Variants in CEP70 observed in about 807,000 individuals in gnomAD.
The protein encoded by CEP70 is centrosomal protein 70.
Under a neutral mutation model 90.9 loss-of-function variants are expected in CEP70, and 70 were observed. That is an observed-to-expected ratio of 0.77 (90% CI 0.64 to 0.94). CEP70 has a LOEUF of 0.94. Ranked by LOEUF, CEP70 falls within the 40% of genes least tolerant of loss-of-function variation. The pLI is 0.00. For missense variants in CEP70, 648 were observed against 669.0 expected (o/e 0.97, Z 0.35); for synonymous variants, 220 against 228.3 (o/e 0.96, Z 0.33).
chr3:138,568,737 T>C (rs891410885), intron 6 of CEP70, among the ~76,000 whole-genome samples: 6 of 151,890 alleles, frequency 4.0e-5, no homozygotes, highest in Non-Finnish European at 8.8e-5. Flanking sequence ...TCTCAGCACT[T>C]TGGGAGGCTG....
intron 11 of CEP70, among the ~76,000 whole-genome samples, chr3:138,523,762 G>T (rs11743786): frequency 2.0e-5 from 3 of 152,062 alleles, no homozygotes; most frequent in Admixed American, 2.0e-4. Flanking sequence ...ATGCTCATGG[G>T]TAGGAAGAAT....
chr3:138,521,663 G>A (rs957120023), intron 11 of CEP70, among the ~76,000 whole-genome samples: 1 of 151,290 alleles, frequency 6.6e-6, no homozygotes, highest in Non-Finnish European at 1.5e-5. Flanking sequence ...ACCCCGTCTG[G>A]GAACTGAGGA....
chr3:138,560,258 G>A (rs760384930), intron 6 of CEP70, among the ~76,000 whole-genome samples: 1 of 152,172 alleles, frequency 6.6e-6, no homozygotes, highest in Non-Finnish European at 1.5e-5. Context: ...AAACACAAGG[G>A]GTTAGAGAAC....
chr3:138,584,461 CA>C (rs35985463), intron 2 of CEP70, among the ~76,000 whole-genome samples: 210 of 92,142 alleles, frequency 2.3e-3, no homozygotes, highest in African/African-American at 7.0e-3. Flanking sequence ...AAAGACATAT[CA>C]AAAAAAAAAA....
intron 7 of CEP70, chr3:138,536,920 CTGAT>C (rs1199261923): frequency 1.3e-5 from 3 of 232,330 alleles, no homozygotes; most frequent in African/African-American, 2.4e-5. Context: ...TGAGAAATGT[CTGAT>C]TAATTATGAA....
intron 6 of CEP70, among the ~76,000 whole-genome samples, chr3:138,560,190 A>T (rs1429939266): frequency 2.6e-5 from 4 of 152,210 alleles, no homozygotes; most frequent in African/African-American, 9.6e-5. Flanking sequence ...TTGGTTGGAC[A>T]GTGGGTACAG....
intron 11 of CEP70, among the ~76,000 whole-genome samples, chr3:138,521,868 GAA>G (rs1417803134): frequency 1.3e-5 from 2 of 152,238 alleles, no homozygotes; most frequent in African/African-American, 2.4e-5. Flanking sequence ...GGAAAAGAAA[GAA>G]AGATCAGATT....
At chr3:138,565,192 G>C (rs1359612863) in intron 6 of CEP70, among the ~76,000 whole-genome samples, 1 of 152,070 alleles carries the variant, frequency 6.6e-6, no homozygotes, top group African/African-American at 2.4e-5. Flanking sequence ...AAGGAAATAA[G>C]AGAGGACACA....
At chr3:138,549,655 T>C (rs1202539165) in intron 6 of CEP70, among the ~76,000 whole-genome samples, 1 of 152,130 alleles carries the variant, frequency 6.6e-6, no homozygotes, top group African/African-American at 2.4e-5. Context: ...AAAGAGCATA[T>C]TCTCTTCGGA....
intron 6 of CEP70, among the ~76,000 whole-genome samples, chr3:138,568,485 A>T (rs920439174): frequency 4.6e-5 from 7 of 152,210 alleles, no homozygotes; most frequent in Non-Finnish European, 1.0e-4. Context: ...TCAGCCAAAG[A>T]CCTGGCACAG....
At chr3:138,514,582 T>G (rs1046593892) in intron 11 of CEP70, among the ~76,000 whole-genome samples, 3 of 152,140 alleles carry the variant, frequency 2.0e-5, no homozygotes, top group African/African-American at 7.2e-5. Context: ...AATAAAAATT[T>G]TTAAAGTTTT....
At chr3:138,557,846 C>T (rs2040130644) in intron 6 of CEP70, among the ~76,000 whole-genome samples, 1 of 152,144 alleles carries the variant, frequency 6.6e-6, no homozygotes, top group South Asian at 2.1e-4. Flanking sequence ...AGATCAAGCC[C>T]ACAAAGAACA....
At chr3:138,577,897 A>T (rs2041640373) in intron 2 of CEP70, among the ~76,000 whole-genome samples, 1 of 152,252 alleles carries the variant, frequency 6.6e-6, no homozygotes, top group Non-Finnish European at 1.5e-5. Context: ...TAAAAACATT[A>T]AAGCAGTTAA....
At chr3:138,553,537 G>C (rs1026076413) in intron 6 of CEP70, among the ~76,000 whole-genome samples, 1 of 150,158 alleles carries the variant, frequency 6.7e-6, no homozygotes, top group Non-Finnish European at 1.5e-5. Context: ...AATTCTACCA[G>C]ACATTCAAAG....
intron 6 of CEP70, among the ~76,000 whole-genome samples, chr3:138,556,373 C>G (rs964070990): frequency 6.6e-6 from 1 of 151,760 alleles, no homozygotes; most frequent in South Asian, 2.1e-4. Context: ...ACTAAAAATA[C>G]AAAAATTAGC....
At chr3:138,569,518 T>C (rs1342930924) in intron 6 of CEP70, among the ~76,000 whole-genome samples, 1 of 152,228 alleles carries the variant, frequency 6.6e-6, no homozygotes, top group Non-Finnish European at 1.5e-5. Context: ...GAGTTAATTA[T>C]TTAATGTTAT....
intron 6 of CEP70, among the ~76,000 whole-genome samples, chr3:138,555,560 A>T (rs2039945233): frequency 6.6e-6 from 1 of 152,192 alleles, no homozygotes; most frequent in African/African-American, 2.4e-5. Flanking sequence ...ACTCAAACAA[A>T]TTAGCAAGAA....
At chr3:138,534,761 G>A (rs559281371) in intron 7 of CEP70, among the ~76,000 whole-genome samples, 1 of 152,244 alleles carries the variant, frequency 6.6e-6, no homozygotes, top group African/African-American at 2.4e-5. Context: ...TGTCTACTTG[G>A]ATGACTGAAG....
At position 138,529,373 on chromosome 3, in the gene CEP70, A is replaced by T; in HGVS notation, c.780+2T>A. On this transcript the variant is annotated splice_donor_variant, in intron 9 of 17. Coordinates refer to ENST00000264982, the MANE Select transcript of CEP70 (RefSeq NM_024491.4). LOFTEE classifies it high-confidence loss of function. Reference sequence around the variant, plus strand: ...TATTTATTAGTTATGCAGTCCCCATACCATTAAAAGGCCTTTATAAGTTGG... The same window carrying T: ...TATTTATTAGTTATGCAGTCCCCATTCCATTAAAAGGCCTTTATAAGTTGG... The T allele has an allele frequency of 6.3e-7, 1 of 1,598,114 alleles. No homozygotes were observed.
Sources: allele counts gnomAD v4.1 joint callset (sites outside exome capture counted in the v4.1 genomes callset), GRCh38; gene constraint gnomAD v4.1.1; transcripts MANE v1.5; gene names NCBI Gene and HGNC (gene_info 2026-07-23, HGNC 2026-07-21).